Variants in LINGO2 observed in about 807,000 individuals in gnomAD.
LINGO2 encodes leucine rich repeat and Ig domain containing 2.
Under a neutral mutation model 30.6 loss-of-function variants are expected in LINGO2, and 14 were observed. The observed-to-expected ratio is 0.46, with a 90% CI of 0.30 to 0.72. The LOEUF (loss-of-function observed/expected upper bound fraction) is 0.72, where lower values mean the gene tolerates loss of function less well. Among genes scored for constraint, LINGO2 ranks in the 30% least tolerant of loss-of-function variants. LINGO2 has a pLI of 0.07. For synonymous variants in LINGO2, 317 were observed against 288.5 expected (o/e 1.10, Z -1.00); for missense variants, 729 against 751.7 (o/e 0.97, Z 0.35).
chr9:28,771,053 T>C, the LINGO2 span, among the ~76,000 whole-genome samples: 1 of 152,190 alleles, frequency 6.6e-6, no homozygotes, highest in Non-Finnish European at 1.5e-5. Context: ...TCCCCAAGTC[T>C]TACAAATTGT....
chr9:28,245,551 C>T (rs912677993), intron 4 of LINGO2, among the ~76,000 whole-genome samples: 3 of 152,244 alleles, frequency 2.0e-5, no homozygotes, highest in Non-Finnish European at 4.4e-5. Context: ...ACCTAGAGAA[C>T]CCCATCATCT....
At chr9:28,610,624 CAACA>C (rs927278869) in intron 1 of LINGO2, among the ~76,000 whole-genome samples, 1 of 152,208 alleles carries the variant, frequency 6.6e-6, no homozygotes, top group African/African-American at 2.4e-5. Flanking sequence ...ACCAGGATTT[CAACA>C]GACACTGAAA....
At chr9:28,718,291 G>C in the LINGO2 span, among the ~76,000 whole-genome samples, 11 of 152,036 alleles carry the variant, frequency 7.2e-5, no homozygotes, top group South Asian at 2.3e-3. Context: ...TCAGATACTT[G>C]ATGGGCCAGC....
chr9:28,992,886 G>A, the LINGO2 span, among the ~76,000 whole-genome samples: 1 of 151,854 alleles, frequency 6.6e-6, no homozygotes, highest in Non-Finnish European at 1.5e-5. Flanking sequence ...GAAATTTATA[G>A]CACTAAATGC....
At chr9:28,174,894 GTC>G (rs200889145) in intron 4 of LINGO2, among the ~76,000 whole-genome samples, 1 of 103,300 alleles carries the variant, frequency 9.7e-6, no homozygotes, top group Admixed American at 1.1e-4. Context: ...GAGAATTTGT[GTC>G]TCTGTGTGTG....
chr9:28,561,587 T>A (rs141100834), intron 1 of LINGO2, among the ~76,000 whole-genome samples: 14 of 120,004 alleles, frequency 1.2e-4, no homozygotes, highest in African/African-American at 5.9e-4. Context: ...AATGTGTTTA[T>A]ATATTATATA....
the LINGO2 span, among the ~76,000 whole-genome samples, chr9:29,036,234 G>C: frequency 1.3e-5 from 2 of 152,036 alleles, no homozygotes; most frequent in East Asian, 3.9e-4. Flanking sequence ...TCAGCCCAGA[G>C]TTAAATATTA....
chr9:27,957,231 A>G (rs1819616221), intron 5 of LINGO2, among the ~76,000 whole-genome samples: 1 of 152,220 alleles, frequency 6.6e-6, no homozygotes, highest in Non-Finnish European at 1.5e-5. Context: ...CCACCAGAAT[A>G]GATACAGTAT....
chr9:28,117,431 G>A (rs1452184338), intron 4 of LINGO2, among the ~76,000 whole-genome samples: 6 of 108,784 alleles, frequency 5.5e-5, no homozygotes, highest in African/African-American at 1.7e-4. Flanking sequence ...AGCTGTGGTG[G>A]GCTCCACCCA....
intron 4 of LINGO2, among the ~76,000 whole-genome samples, chr9:28,181,884 C>T (rs142129833): frequency 0.017 from 2,590 of 152,108 alleles, 73 homozygotes; most frequent in African/African-American, 0.058. Context: ...ATGGCCATAC[C>T]ACCCAAAGTA....
chr9:28,966,048 A>G, the LINGO2 span, among the ~76,000 whole-genome samples: 1 of 152,172 alleles, frequency 6.6e-6, no homozygotes, highest in African/African-American at 2.4e-5. Flanking sequence ...TAATCTATGG[A>G]TAGAGAAAAA....
chr9:28,400,950 AT>A (rs2134743372), intron 2 of LINGO2, among the ~76,000 whole-genome samples: 1 of 152,118 alleles, frequency 6.6e-6, no homozygotes, highest in African/African-American at 2.4e-5. Flanking sequence ...TTTTGAAATC[AT>A]TTTTTCTGTT....
chr9:28,741,277 A>T, the LINGO2 span, among the ~76,000 whole-genome samples: 3 of 152,002 alleles, frequency 2.0e-5, no homozygotes, highest in African/African-American at 7.3e-5. Context: ...GCATGAAGTC[A>T]GGGGTGGTGA....
intron 4 of LINGO2, among the ~76,000 whole-genome samples, chr9:28,083,005 C>T (rs1333106717): frequency 6.6e-6 from 1 of 152,178 alleles, no homozygotes; most frequent in African/African-American, 2.4e-5. Context: ...GTGTTTACCT[C>T]TGTCTTTGCA....
chr9:28,349,739 C>G (rs1418123079), intron 3 of LINGO2, among the ~76,000 whole-genome samples: 2 of 148,578 alleles, frequency 1.3e-5, no homozygotes, highest in East Asian at 4.0e-4. Context: ...ATGTTAAGGG[C>G]AGCCAGAGAG....
chr9:28,631,501 G>T (rs1274435746), intron 1 of LINGO2, among the ~76,000 whole-genome samples: 1 of 151,982 alleles, frequency 6.6e-6, no homozygotes, highest in African/African-American at 2.4e-5. Flanking sequence ...TATTAAATAG[G>T]GAATCCTTTC....
At chr9:28,685,765 A>C in the LINGO2 span, among the ~76,000 whole-genome samples, 1 of 152,128 alleles carries the variant, frequency 6.6e-6, no homozygotes, top group Non-Finnish European at 1.5e-5. Flanking sequence ...ATATGGAAAA[A>C]ATTCATCCAC....
At chr9:28,527,474 T>C (rs969861406) in intron 1 of LINGO2, among the ~76,000 whole-genome samples, 2 of 152,204 alleles carry the variant, frequency 1.3e-5, no homozygotes, top group African/African-American at 4.8e-5. Context: ...CAGAATCTCA[T>C]TGAAATGGCC....
At chr9:28,056,304 A>G (rs536900883) in intron 4 of LINGO2, among the ~76,000 whole-genome samples, 77 of 152,228 alleles carry the variant, frequency 5.1e-4, no homozygotes, top group African/African-American at 1.7e-3. Context: ...TCAATTTGTC[A>G]GTTTGCTGAC....
Sources: allele counts gnomAD v4.1 joint callset (sites outside exome capture counted in the v4.1 genomes callset), GRCh38; gene constraint gnomAD v4.1.1; transcripts MANE v1.5; gene names NCBI Gene and HGNC (gene_info 2026-07-23, HGNC 2026-07-21).